HGSNAT: variants seen among roughly 807,000 people sequenced by gnomAD.
HGSNAT encodes the protein transmembrane protein 76.
HGSNAT carries 59 observed loss-of-function variants against 85.2 expected under a neutral mutation model. The ratio of observed to expected loss-of-function variants is 0.69; its 90% CI spans 0.56 to 0.86. The LOEUF (loss-of-function observed/expected upper bound fraction) is 0.86, where lower values mean the gene tolerates loss of function less well. Among genes scored for constraint, HGSNAT ranks in the 40% least tolerant of loss-of-function variants. The pLI is 0.00. For synonymous variants in HGSNAT, 321 were observed against 304.5 expected, an observed-to-expected ratio of 1.05 and a Z score of -0.56; for missense variants, 756 against 777.1, an observed-to-expected ratio of 0.97 and a Z score of 0.32.
chr8:43,141,006 C>G (rs1336083427), intron 1 of HGSNAT, among the ~76,000 whole-genome samples: 3 of 152,232 alleles, frequency 2.0e-5, no homozygotes, highest in Non-Finnish European at 1.5e-5. Flanking sequence ...CGGACTCCCC[C>G]TGCACCCAGT....
intron 10 of HGSNAT, chr8:43,180,827 C>T (rs2130778632): frequency 8.6e-6 from 1 of 116,812 alleles, no homozygotes; most frequent in African/African-American, 3.4e-5. Context: ...GAACGAGACT[C>T]CATCTGCAAT....
chr8:43,170,648 C>A lies in HGSNAT; in HGVS notation c.697C>A (p.Leu233Ile). 6.2e-7 allele frequency: 1 copy of A among 1,609,428 alleles called. No homozygotes were observed. Among genetic ancestry groups the A allele is most frequent in the South Asian group, 1.1e-5 (1 of 89,768 alleles). The change falls in exon 7 of 18, where the codon CTA becomes ATA. Residue 233 changes from leucine (L) to isoleucine (I), a missense_variant. Coordinates refer to ENST00000379644, the MANE Select transcript of HGSNAT (RefSeq NM_152419.3). Reference protein sequence around the residue: ...DGDVQPATWRLSALPPRLRSV... With the variant: ...DGDVQPATWRISALPPRLRSV... ...TGATGTTCAGCCAGCAACGTGGCGT[C>A]TATCTGCCCTGCCGCCCCGCCTCCG... is the stretch of plus-strand genomic sequence containing the variant.
At chr8:43,144,640 A>G (rs1006198826) in intron 1 of HGSNAT, among the ~76,000 whole-genome samples, 2 of 152,124 alleles carry the variant, frequency 1.3e-5, no homozygotes, top group Non-Finnish European at 2.9e-5. Flanking sequence ...TTTCCAGGAG[A>G]CCAAAGAACA....
intron 2 of HGSNAT, 150 bp from the exon 3 acceptor site, chr8:43,158,425 G>A: frequency 1.3e-6 from 1 of 791,962 alleles, no homozygotes; most frequent in Non-Finnish European, 2.0e-6. Flanking sequence ...CAAAATAATA[G>A]GTAAATTTAA....
At position 43,147,033 on chromosome 8, in the gene HGSNAT, C is replaced by A. The variant is rs199816365; in HGVS notation, c.204C>A (p.Thr68=). The change falls in exon 2 of 18, where the codon ACC becomes ACA. Residue 68 remains threonine (T), a synonymous_variant. Coordinates refer to ENST00000379644, the MANE Select transcript of HGSNAT (RefSeq NM_152419.3). ...IHNELLWTNL[T]VYWKSECCYH... ...ATGAACTTCTCTGGACCAACTTGAC[C>A]GTCTACTGGAAATCTGAATGCTGTT... 1.0e-5 allele frequency: 16 copies of A among 1,604,028 alleles called. No individual in the cohort carries two copies. The African/African-American group carries it at 2.0e-4, about 20-fold the overall frequency.
At chr8:43,166,653 A>G (rs1177892943) in intron 5 of HGSNAT, among the ~76,000 whole-genome samples, 1 of 152,226 alleles carries the variant, frequency 6.6e-6, no homozygotes, top group East Asian at 1.9e-4. Context: ...AAGAGCTCCA[A>G]TGGAGATGTA....
intron 14 of HGSNAT, among the ~76,000 whole-genome samples, chr8:43,195,514 AGG>A (rs1804677759): frequency 6.9e-6 from 1 of 144,368 alleles, no homozygotes; most frequent in Non-Finnish European, 1.5e-5. Context: ...GAGGAGGAGG[AGG>A]AAGAAGAGGA....
chr8:43,152,475 G>T (rs1802950573), intron 2 of HGSNAT, among the ~76,000 whole-genome samples: 2 of 152,154 alleles, frequency 1.3e-5, no homozygotes, highest in South Asian at 2.1e-4. Flanking sequence ...TTGAGGCAGG[G>T]TCTTGCTCTG....
chr8:43,159,229 A>C (rs1803192998), intron 4 of HGSNAT, among the ~76,000 whole-genome samples, 185 bp downstream of exon 4: 1 of 152,178 alleles, frequency 6.6e-6, no homozygotes. Flanking sequence ...CTACTTAGTT[A>C]TGATGTATTT....
chr8:43,173,430 C>T (rs1192567369), intron 8 of HGSNAT, among the ~76,000 whole-genome samples: 3 of 152,070 alleles, frequency 2.0e-5, no homozygotes, highest in Non-Finnish European at 4.4e-5. Context: ...CTGCCTCAGC[C>T]TCCCAGGTAG....
intron 5 of HGSNAT, among the ~76,000 whole-genome samples, chr8:43,167,498 A>G (rs1260758064): frequency 6.6e-6 from 1 of 152,254 alleles, no homozygotes; most frequent in South Asian, 2.1e-4. Context: ...ACTTTTTATT[A>G]GCAATACATT....
intron 11 of HGSNAT, among the ~76,000 whole-genome samples, chr8:43,190,414 TG>T (rs1329584317): frequency 6.6e-6 from 1 of 152,220 alleles, no homozygotes; most frequent in Non-Finnish European, 1.5e-5. Flanking sequence ...TTATCTAGTT[TG>T]GGGGGCGTTT....
chr8:43,156,558 C>T (rs1377429527), intron 2 of HGSNAT, among the ~76,000 whole-genome samples: 3 of 152,130 alleles, frequency 2.0e-5, no homozygotes, highest in African/African-American at 7.2e-5. Context: ...CAAAGTTCCT[C>T]CTGTTACTGA....
intron 1 of HGSNAT, among the ~76,000 whole-genome samples, chr8:43,145,676 G>A (rs1022039480): frequency 6.6e-6 from 1 of 151,952 alleles, no homozygotes; most frequent in Non-Finnish European, 1.5e-5. Context: ...GCTTGAACCC[G>A]AGTGGTAGAG....
At chr8:43,184,323 C>G (rs1213154555) in intron 11 of HGSNAT, among the ~76,000 whole-genome samples, 1 of 152,026 alleles carries the variant, frequency 6.6e-6, no homozygotes, top group Non-Finnish European at 1.5e-5. Context: ...TTAATGATTG[C>G]CATTCTAACT....
intron 14 of HGSNAT, chr8:43,194,085 C>T: frequency 7.9e-7 from 1 of 1,270,408 alleles, no homozygotes; most frequent in Non-Finnish European, 9.9e-7. Flanking sequence ...CTTATCTTAG[C>T]ACGGCAGTTT....
intron 8 of HGSNAT, among the ~76,000 whole-genome samples, chr8:43,172,968 C>T (rs1485794738): frequency 6.6e-6 from 1 of 152,144 alleles, no homozygotes; most frequent in Admixed American, 6.5e-5. Context: ...TGCAGAGTCT[C>T]AAGGAAGAGT....
intron 16 of HGSNAT, 32 bp from the exon 17 acceptor site, chr8:43,197,808 G>A (rs763904185): frequency 3.7e-6 from 6 of 1,600,848 alleles, no homozygotes; most frequent in East Asian, 2.2e-5. Context: ...TGTTCCGTAC[G>A]AGCACTGAAA....
intron 6 of HGSNAT, 51 bp downstream of exon 6, chr8:43,169,293 A>G: frequency 8.6e-7 from 1 of 1,156,682 alleles, no homozygotes; most frequent in Non-Finnish European, 1.2e-6. Context: ...CTAAACTTGG[A>G]ATTTATAGTT....
Sources: gnomAD v4.1 joint callset for allele counts (sites outside exome capture counted in the v4.1 genomes callset) on GRCh38, gnomAD v4.1.1 for gene constraint, MANE v1.5 for transcripts, NCBI Gene and HGNC (gene_info 2026-07-23, HGNC 2026-07-21) for gene names.